The following FRMD4A variants were observed in gnomAD, a reference collection of about 807,000 sequenced individuals.
The protein encoded by FRMD4A is FERM domain containing 4A.
Under a neutral mutation model 129.1 loss-of-function variants are expected in FRMD4A, and 29 were observed. The ratio of observed to expected loss-of-function variants is 0.22; its 90% CI spans 0.17 to 0.31. The LOEUF (loss-of-function observed/expected upper bound fraction) is 0.31. Ranked by LOEUF, FRMD4A falls within the 10% of genes least tolerant of loss-of-function variation. The pLI is 1.00. For missense variants in FRMD4A, 1,272 were observed against 1,375.8 expected, an observed-to-expected ratio of 0.92 and a Z score of 1.19; for synonymous variants, 634 against 571.6, an observed-to-expected ratio of 1.11 and a Z score of -1.56.
chr10:13,738,287 A>G (rs2090768372), intron 11 of FRMD4A, among the ~76,000 whole-genome samples: 1 of 151,940 alleles, frequency 6.6e-6, no homozygotes, highest in Non-Finnish European at 1.5e-5. Flanking sequence ...ATGCTCACTC[A>G]CCACAACTGA....
intron 2 of FRMD4A, among the ~76,000 whole-genome samples, chr10:13,922,290 C>G (rs1322497178): frequency 1.4e-5 from 1 of 70,184 alleles, no homozygotes; most frequent in African/African-American, 5.9e-5. Context: ...TGGTGATAAT[C>G]AGTGAAGAAT....
chr10:14,304,654 G>T (rs1351481132), intron 2 of FRMD4A, among the ~76,000 whole-genome samples: 2 of 152,152 alleles, frequency 1.3e-5, no homozygotes, highest in South Asian at 2.1e-4. Flanking sequence ...CTGTGGAAGG[G>T]TCTGTCTATG....
At chr10:13,970,124 T>C (rs574303920) in intron 2 of FRMD4A, among the ~76,000 whole-genome samples, 8 of 152,232 alleles carry the variant, frequency 5.3e-5, no homozygotes, top group Admixed American at 1.3e-4. Context: ...GGAAATCTTA[T>C]GTGAACTTTT....
intron 2 of FRMD4A, among the ~76,000 whole-genome samples, chr10:14,323,262 T>C (rs1161500133): frequency 6.6e-6 from 1 of 152,212 alleles, no homozygotes; most frequent in African/African-American, 2.4e-5. Context: ...CATATCTTTT[T>C]AAGACAAAGG....
intron 3 of FRMD4A, among the ~76,000 whole-genome samples, chr10:13,843,601 A>G (rs1409799472): frequency 6.6e-6 from 1 of 152,170 alleles, no homozygotes; most frequent in Non-Finnish European, 1.5e-5. Context: ...CGGTTCAAGC[A>G]GCTCTCCTGC....
chr10:14,292,963 A>G (rs1996747), intron 2 of FRMD4A, among the ~76,000 whole-genome samples: 48,748 of 152,024 alleles, frequency 0.32, 8,137 homozygotes, highest in Middle Eastern at 0.37. Flanking sequence ...AGAAGAGTGA[A>G]TACATAAGCC....
intron 2 of FRMD4A, among the ~76,000 whole-genome samples, chr10:14,015,398 G>A (rs141034846): frequency 0.026 from 3,130 of 119,966 alleles, 45 homozygotes; most frequent in South Asian, 0.069. Context: ...CCCTCCCCTC[G>A]CCTCCCCTCC....
intron 24 of FRMD4A, chr10:13,647,373 G>C (rs974351010): frequency 3.3e-5 from 5 of 152,196 alleles, no homozygotes; most frequent in African/African-American, 1.2e-4. Context: ...ATTGATTTGG[G>C]GTGTGTTTGA....
intron 2 of FRMD4A, among the ~76,000 whole-genome samples, chr10:14,292,554 C>T (rs1845881123): frequency 6.6e-6 from 1 of 152,200 alleles, no homozygotes; most frequent in African/African-American, 2.4e-5. Context: ...AATCCCAGCA[C>T]TTTGGGAGGC....
At chr10:13,970,766 C>A (rs1043934472) in intron 2 of FRMD4A, among the ~76,000 whole-genome samples, 2 of 152,190 alleles carry the variant, frequency 1.3e-5, no homozygotes, top group East Asian at 3.8e-4. Flanking sequence ...GGACTGAAGT[C>A]TCCGCGGCCA....
chr10:13,910,385 G>A (rs1045800807), intron 2 of FRMD4A, among the ~76,000 whole-genome samples: 1 of 152,204 alleles, frequency 6.6e-6, no homozygotes, highest in Non-Finnish European at 1.5e-5. Flanking sequence ...GACATCAGCA[G>A]TGTCATCCAC....
chr10:13,912,233 T>C (rs2094948362), intron 2 of FRMD4A, among the ~76,000 whole-genome samples: 1 of 152,182 alleles, frequency 6.6e-6, no homozygotes, highest in Admixed American at 6.5e-5. Context: ...AGTAGCAGTG[T>C]TGGGGACAAC....
At chr10:14,015,918 C>T (rs1486255195) in intron 2 of FRMD4A, among the ~76,000 whole-genome samples, 2 of 152,194 alleles carry the variant, frequency 1.3e-5, no homozygotes, top group African/African-American at 4.8e-5. Flanking sequence ...TGAAGTAACT[C>T]ACTCAGGGTC....
At chr10:14,180,206 T>C (rs1400248596) in intron 2 of FRMD4A, among the ~76,000 whole-genome samples, 1 of 152,244 alleles carries the variant, frequency 6.6e-6, no homozygotes, top group Non-Finnish European at 1.5e-5. Context: ...TTGAGCTAGA[T>C]ACTCTTCAGT....
intron 2 of FRMD4A, chr10:13,890,449 C>A (rs2094681796): frequency 2.4e-6 from 2 of 831,784 alleles, no homozygotes; most frequent in Non-Finnish European, 2.9e-6. Flanking sequence ...TCCCACAGAT[C>A]AGTGATGCTG....
chr10:14,185,912 C>T (rs980683949), intron 2 of FRMD4A, among the ~76,000 whole-genome samples: 9 of 152,132 alleles, frequency 5.9e-5, no homozygotes, highest in South Asian at 2.1e-4. Flanking sequence ...AGAGACTGGG[C>T]AGGAACTGCA....
intron 3 of FRMD4A, among the ~76,000 whole-genome samples, chr10:13,835,159 G>A (rs2093853380): frequency 2.0e-5 from 3 of 152,184 alleles, no homozygotes; most frequent in African/African-American, 7.2e-5. Context: ...GATGGCCGCC[G>A]AACTTGGCTT....
At chr10:13,721,770 G>A (rs1019487151) in intron 12 of FRMD4A, among the ~76,000 whole-genome samples, 34 of 152,364 alleles carry the variant, frequency 2.2e-4, no homozygotes, top group Admixed American at 3.9e-4. Context: ...GACACGGCTA[G>A]TGAGGAGTCT....
At chr10:14,252,817 C>T (rs1844485456) in intron 2 of FRMD4A, among the ~76,000 whole-genome samples, 1 of 152,144 alleles carries the variant, frequency 6.6e-6, no homozygotes. Context: ...ATGTTAGAAC[C>T]AATTATTACT....
Sources: allele counts gnomAD v4.1 joint callset (sites outside exome capture counted in the v4.1 genomes callset), GRCh38; gene constraint gnomAD v4.1.1; transcripts MANE v1.5; gene names NCBI Gene and HGNC (gene_info 2026-07-23, HGNC 2026-07-21).